CACNB2: variants seen among roughly 807,000 people sequenced by gnomAD.
CACNB2 encodes the protein calcium voltage-gated channel auxiliary subunit beta 2, also known as voltage-dependent L-type calcium channel subunit beta-2.
In CACNB2, 42 loss-of-function variants were observed where a neutral mutation model predicts 73.3. The ratio of observed to expected loss-of-function variants is 0.57; its 90% confidence interval spans 0.45 to 0.74. The LOEUF is 0.74. Ranked by LOEUF, CACNB2 falls within the 30% of genes least tolerant of loss-of-function variation. The pLI, the probability that CACNB2 is intolerant of heterozygous loss-of-function variation, is 0.00. For synonymous variants in CACNB2, 348 were observed against 310.3 expected (o/e 1.12, Z -1.28); for missense variants, 940 against 853.0 (o/e 1.10, Z -1.27).
intron 2 of CACNB2, among the ~76,000 whole-genome samples, chr10:18,272,685 C>T (rs141357987): frequency 0.014 from 2,122 of 152,272 alleles, 18 homozygotes; most frequent in African/African-American, 0.029. Flanking sequence ...AAGGGGAGTT[C>T]CCCTGCACAA....
chr10:18,209,695 A>G (rs1172769109), intron 2 of CACNB2, among the ~76,000 whole-genome samples: 2 of 152,176 alleles, frequency 1.3e-5, no homozygotes, highest in African/African-American at 2.4e-5. Context: ...TGTTTTAAGT[A>G]GTGCCGACAA....
chr10:18,150,855 C>CTTTTTTTTTGT, intron 1 of CACNB2, 28 bp from the exon 2 acceptor site: 3 of 483,392 alleles, frequency 6.2e-6, no homozygotes, highest in South Asian at 2.7e-5. Context: ...TCTTATTTGT[C>CTTTTTTTTTGT]TTTTTTTTTT....
intron 2 of CACNB2, among the ~76,000 whole-genome samples, chr10:18,156,824 A>G (rs1052180473): frequency 4.0e-5 from 6 of 151,446 alleles, no homozygotes; most frequent in Admixed American, 2.0e-4. Context: ...AGGTCAGGAG[A>G]TCGAGACCAG....
intron 2 of CACNB2, among the ~76,000 whole-genome samples, chr10:18,317,724 G>A (rs1301054334): frequency 3.9e-5 from 6 of 152,198 alleles, no homozygotes; most frequent in Non-Finnish European, 5.9e-5. Context: ...TTGGTAGAAT[G>A]ATATGACCCT....
rs1295172736 is a variant in CACNB2, at chr10:18,220,172, CAT to C, written c.213+69199_213+69200del. The stretch of plus-strand genomic sequence containing the variant: ...ATATATATACACACACACACACACA[CAT>C]ACATATATATACATATATATGTGTG... On this transcript the variant is annotated intron_variant, in intron 2 of 13. Coordinates refer to ENST00000324631, the MANE Select transcript of CACNB2 (RefSeq NM_201596.3). Among the ~76,000 whole-genome samples the C allele has an allele frequency of 3.6e-4, 20 of 56,130 alleles. 1 individual carries two copies. Among genetic ancestry groups the C allele is most frequent in the South Asian group, 5.8e-4 (1 of 1,720 alleles). 36.8% of individuals were successfully genotyped at this position (56,130 alleles called of 152,430 possible).
chr10:18,428,224 T>C lies in CACNB2; in HGVS notation c.333+26181T>C, dbSNP rs374215196. On this transcript the variant is annotated intron_variant, in intron 3 of 13. Transcript: ENST00000324631. ...GGGAGAGAGCTCTTTTTTTTATTTT[T>C]TTAGTTTAGTGGGACAATATTTATC... is the stretch of plus-strand genomic sequence containing the variant. Among the ~76,000 whole-genome samples, 106 of 152,318 alleles carry C rather than the reference T, an allele frequency of 7.0e-4. 4 individuals are homozygous for C. The South Asian group carries it at 0.021, about 30-fold the overall frequency.
rs141525141 is a variant in CACNB2, at chr10:18,153,762, A to T, written c.213+2787A>T. On this transcript the variant is annotated intron_variant, in intron 2 of 13. Coordinates refer to ENST00000324631, the MANE Select transcript of CACNB2 (RefSeq NM_201596.3). Reference sequence around the variant, plus strand: ...ATGCCCAGCTGATTTTTGTATTTTTAGTAAAGATGGAGTTTCACCATGTTG... The same window carrying T: ...ATGCCCAGCTGATTTTTGTATTTTTTGTAAAGATGGAGTTTCACCATGTTG... Among the ~76,000 whole-genome samples, 368 of 149,198 alleles carry T rather than the reference A, an allele frequency of 2.5e-3. 3 individuals are homozygous for T. Among genetic ancestry groups the T allele is most frequent in the African/African-American group, 8.8e-3 (353 of 40,298 alleles).
At chr10:18,489,093 C>T (rs1461999647) in intron 3 of CACNB2, among the ~76,000 whole-genome samples, 1 of 152,084 alleles carries the variant, frequency 6.6e-6, no homozygotes, top group African/African-American at 2.4e-5. Flanking sequence ...GTGGGCGGAT[C>T]ATGATATCAG....
chr10:18,282,286 A>G (rs7072759), intron 2 of CACNB2, among the ~76,000 whole-genome samples: 83,678 of 151,982 alleles, frequency 0.55, 24,025 homozygotes, highest in African/African-American at 0.71. Context: ...CACAGAGGAC[A>G]CTGCAGCTGT....
intron 2 of CACNB2, chr10:18,340,815 G>A: frequency 6.2e-7 from 1 of 1,609,234 alleles, no homozygotes. Flanking sequence ...GAAAGCAGTT[G>A]CTATGCTGTT....
intron 2 of CACNB2, among the ~76,000 whole-genome samples, chr10:18,176,902 G>A (rs112454076): frequency 1.4e-4 from 21 of 152,042 alleles, no homozygotes; most frequent in Admixed American, 3.9e-4. Flanking sequence ...GTGAAGATAA[G>A]GAAGAGATGA....
chr10:18,515,241 T>C (rs575230454), intron 7 of CACNB2, among the ~76,000 whole-genome samples: 1 of 152,328 alleles, frequency 6.6e-6, no homozygotes, highest in East Asian at 1.9e-4. Context: ...GAGCTCTCCT[T>C]ACTTCAGACA....
At chr10:18,372,253 G>T (rs887575460) in intron 2 of CACNB2, among the ~76,000 whole-genome samples, 6 of 152,144 alleles carry the variant, frequency 3.9e-5, no homozygotes, top group African/African-American at 1.4e-4. Flanking sequence ...ATTGCTTTTG[G>T]TGTTTTAGAC....
chr10:18,216,762 T>C (rs2035528509), intron 2 of CACNB2, among the ~76,000 whole-genome samples: 1 of 152,210 alleles, frequency 6.6e-6, no homozygotes, highest in Non-Finnish European at 1.5e-5. Context: ...GAAATTCAGC[T>C]ATTCCTTAAT....
At chr10:18,533,684 A>G (rs2053284222) in intron 10 of CACNB2, among the ~76,000 whole-genome samples, 1 of 152,218 alleles carries the variant, frequency 6.6e-6, no homozygotes, top group East Asian at 1.9e-4. Flanking sequence ...CTGAAAGGAA[A>G]ACCTGTCATG....
At chr10:18,152,737 A>AC (rs1229948817) in intron 2 of CACNB2, among the ~76,000 whole-genome samples, 4 of 99,254 alleles carry the variant, frequency 4.0e-5, no homozygotes, top group African/African-American at 1.7e-4. Context: ...AAAAAACAAA[A>AC]AACAAAACAC....
intron 6 of CACNB2, chr10:18,513,558 C>A (rs2050981452): frequency 2.5e-6 from 1 of 393,972 alleles, no homozygotes; most frequent in Admixed American, 2.6e-5. Context: ...GGGCCAAATG[C>A]ATTGTTGATA....
intron 3 of CACNB2, among the ~76,000 whole-genome samples, chr10:18,431,478 C>T (rs977979682): frequency 2.0e-5 from 3 of 152,020 alleles, no homozygotes; most frequent in Admixed American, 6.6e-5. Context: ...AAAACATACT[C>T]GATTTATACC....
chr10:18,434,608 C>T (rs1028344475), intron 3 of CACNB2, among the ~76,000 whole-genome samples: 1 of 151,990 alleles, frequency 6.6e-6, no homozygotes, highest in Non-Finnish European at 1.5e-5. Context: ...GCTAGGTTGC[C>T]TAGGCTGGTC....
Sources: gnomAD v4.1 joint callset for allele counts (sites outside exome capture counted in the v4.1 genomes callset) on GRCh38, gnomAD v4.1.1 for gene constraint, MANE v1.5 for transcripts, NCBI Gene and HGNC (gene_info 2026-07-23, HGNC 2026-07-21) for gene names.